STPG2: variants seen among roughly 807,000 people sequenced by gnomAD.
STPG2 encodes sperm-tail PG-rich repeat-containing protein 2.
A neutral mutation model predicts 54.2 loss-of-function variants in STPG2; 56 were observed. The ratio of observed to expected loss-of-function variants is 1.03; its 90% CI spans 0.83 to 1.29. The LOEUF is 1.29. Among genes scored for constraint, STPG2 ranks in the 50% most tolerant of loss-of-function variants. STPG2 has a pLI of 0.00. For synonymous variants in STPG2, 200 were observed against 181.8 expected, an observed-to-expected ratio of 1.10 and a Z score of -0.81; for missense variants, 596 against 544.9, an observed-to-expected ratio of 1.09 and a Z score of -0.93.
intron 3 of STPG2, among the ~76,000 whole-genome samples, chr4:98,123,002 C>T (rs1024394266): frequency 4.6e-5 from 7 of 152,030 alleles, no homozygotes; most frequent in Non-Finnish European, 8.8e-5. Context: ...TTATAGTATC[C>T]TCTGATGGTT....
At chr4:97,544,700 C>G (rs1049507533) in intron 4 of STPG2, among the ~76,000 whole-genome samples, 7 of 151,776 alleles carry the variant, frequency 4.6e-5, no homozygotes, top group African/African-American at 1.2e-4. Flanking sequence ...TATAAAACAC[C>G]AGGATAAAGG....
chr4:97,878,547 A>G lies in STPG2; in HGVS notation c.1045-37615T>C, dbSNP rs182920155. On this transcript the variant is annotated intron_variant, in intron 8 of 10. Transcript: ENST00000295268. ...CTTGGAGCATGCACCCTGTGAAGCCACAGCCCAAGCTGTACCTTGCTCCAT... is the reference window on the plus strand; with the variant it reads ...CTTGGAGCATGCACCCTGTGAAGCCGCAGCCCAAGCTGTACCTTGCTCCAT... 8.6e-3 allele frequency among the ~76,000 whole-genome samples: 1,309 copies of G among 152,328 alleles called. 13 individuals carry two copies. The highest frequency in any genetic ancestry group is 0.015 in the South Asian group (70 of 4,826).
At chr4:97,532,040 G>T (rs1276294869) in intron 4 of STPG2, among the ~76,000 whole-genome samples, 1 of 151,898 alleles carries the variant, frequency 6.6e-6, no homozygotes, top group Non-Finnish European at 1.5e-5. Flanking sequence ...TAAAAAAGAA[G>T]AAAAAGCCCA....
At chr4:98,002,443 T>C (rs1735440014) in intron 5 of STPG2, among the ~76,000 whole-genome samples, 2 of 152,078 alleles carry the variant, frequency 1.3e-5, no homozygotes, top group South Asian at 4.1e-4. Flanking sequence ...CAAAGAAGTA[T>C]ACGGAGGATG....
chr4:98,028,746 T>G (rs1736505683), intron 5 of STPG2, among the ~76,000 whole-genome samples: 1 of 152,180 alleles, frequency 6.6e-6, no homozygotes, highest in Admixed American at 6.5e-5. Context: ...TTAGTTTCTC[T>G]TTTTTATTTT....
chr4:97,567,658 G>T (rs1447427795), intron 10 of STPG2, among the ~76,000 whole-genome samples: 1 of 151,878 alleles, frequency 6.6e-6, no homozygotes, highest in Non-Finnish European at 1.5e-5. Context: ...CCATGTGGCT[G>T]TAAGAAGAGT....
intron 4 of STPG2, among the ~76,000 whole-genome samples, chr4:97,543,820 C>A (rs975656939): frequency 6.6e-6 from 1 of 151,984 alleles, no homozygotes; most frequent in South Asian, 2.1e-4. Context: ...GTCATCAAAT[C>A]TTGGTAAGAA....
chr4:97,535,477 G>A (rs1004493507), intron 4 of STPG2, among the ~76,000 whole-genome samples: 3 of 152,128 alleles, frequency 2.0e-5, no homozygotes, highest in African/African-American at 7.2e-5. Flanking sequence ...TGTCTTCAAT[G>A]TCTTTTATTT....
chr4:97,450,145 G>T (rs140570906), intron 4 of STPG2, among the ~76,000 whole-genome samples: 1 of 151,936 alleles, frequency 6.6e-6, no homozygotes, highest in Non-Finnish European at 1.5e-5. Context: ...ATATAAGTCC[G>T]ATTGCTTAGA....
chr4:97,778,274 C>G (rs1217246800), intron 9 of STPG2, among the ~76,000 whole-genome samples: 1 of 151,878 alleles, frequency 6.6e-6, no homozygotes, highest in Non-Finnish European at 1.5e-5. Context: ...ATATCCCATG[C>G]CTGGCTCGGA....
intron 9 of STPG2, among the ~76,000 whole-genome samples, chr4:97,805,429 T>C (rs1727527754): frequency 6.6e-6 from 1 of 152,104 alleles, no homozygotes; most frequent in Admixed American, 6.5e-5. Flanking sequence ...CAGGCTGGTC[T>C]CAAACTTCTG....
At chr4:97,907,066 G>A (rs540292912) in intron 8 of STPG2, among the ~76,000 whole-genome samples, 1 of 151,954 alleles carries the variant, frequency 6.6e-6, no homozygotes, top group South Asian at 2.1e-4. Context: ...AGGAAAAGAG[G>A]AAGTCAAATT....
intron 10 of STPG2, among the ~76,000 whole-genome samples, chr4:97,693,183 A>C (rs1723434234): frequency 6.6e-6 from 1 of 152,128 alleles, no homozygotes; most frequent in Non-Finnish European, 1.5e-5. Context: ...AGCATGATGA[A>C]TAGAATAGTA....
chr4:98,103,499 G>T (rs1298652594), intron 5 of STPG2, among the ~76,000 whole-genome samples: 1 of 151,804 alleles, frequency 6.6e-6, no homozygotes, highest in Non-Finnish European at 1.5e-5. Context: ...AAATTAGCCA[G>T]GCATGGTGGT....
At chr4:97,727,561 T>C (rs933198486) in intron 9 of STPG2, among the ~76,000 whole-genome samples, 1 of 151,952 alleles carries the variant, frequency 6.6e-6, no homozygotes, top group Non-Finnish European at 1.5e-5. Flanking sequence ...TTAGCTGATA[T>C]AACACACTAT....
intron 4 of STPG2, among the ~76,000 whole-genome samples, chr4:98,108,903 A>G (rs1739265853): frequency 6.6e-6 from 1 of 152,152 alleles, no homozygotes; most frequent in South Asian, 2.1e-4. Flanking sequence ...TAGGGGAGAG[A>G]TAGCATTAGG....
intron 9 of STPG2, among the ~76,000 whole-genome samples, chr4:97,746,112 A>C (rs1204275352): frequency 1.3e-5 from 2 of 151,288 alleles, no homozygotes; most frequent in Non-Finnish European, 3.0e-5. Flanking sequence ...TGATAGATGA[A>C]GCATGTCTGA....
At chr4:97,651,898 G>T (rs1164700372) in intron 10 of STPG2, among the ~76,000 whole-genome samples, 2 of 151,918 alleles carry the variant, frequency 1.3e-5, no homozygotes, top group Non-Finnish European at 2.9e-5. Context: ...CATTTGAAGT[G>T]TCTTTAATAA....
chr4:98,088,932 T>C (rs1738604976), intron 5 of STPG2, among the ~76,000 whole-genome samples: 2 of 152,194 alleles, frequency 1.3e-5, no homozygotes, highest in South Asian at 4.1e-4. Context: ...TGGATGCCTT[T>C]GGATCCCACT....
Sources: allele counts gnomAD v4.1 joint callset (sites outside exome capture counted in the v4.1 genomes callset), GRCh38; gene constraint gnomAD v4.1.1; transcripts MANE v1.5; gene names NCBI Gene and HGNC (gene_info 2026-07-23, HGNC 2026-07-21).